UNC13B: variants seen among roughly 807,000 people sequenced by gnomAD.
UNC13B encodes protein unc-13 homolog B.
UNC13B carries 144 observed loss-of-function variants against 211.0 expected under a neutral mutation model. The ratio of observed to expected loss-of-function variants is 0.68; its 90% CI spans 0.60 to 0.78. The LOEUF (loss-of-function observed/expected upper bound fraction) is 0.78, where lower values mean the gene tolerates loss of function less well. Ranked by LOEUF, UNC13B falls within the 30% of genes least tolerant of loss-of-function variation. The pLI, the probability that UNC13B is intolerant of heterozygous loss-of-function variation, is 0.00. For synonymous variants in UNC13B, 709 were observed against 725.8 expected (o/e 0.98, Z 0.37); for missense variants, 1,777 against 2,002.0 (o/e 0.89, Z 2.14).
intron 11 of UNC13B, among the ~76,000 whole-genome samples, chr9:35,350,224 G>C (rs1037805528): frequency 2.0e-5 from 3 of 152,180 alleles, no homozygotes; most frequent in African/African-American, 7.2e-5. Context: ...CATCGTCTCT[G>C]CCTCTGTAAT....
intron 7 of UNC13B, among the ~76,000 whole-genome samples, chr9:35,267,466 G>A (rs1369433577): frequency 2.6e-5 from 4 of 152,202 alleles, no homozygotes; most frequent in Non-Finnish European, 5.9e-5. Context: ...TATGCTTTAA[G>A]TTCTGGGTTA....
At chr9:35,241,629 A>G (rs79445252) in intron 5 of UNC13B, among the ~76,000 whole-genome samples, 1 of 152,022 alleles carries the variant, frequency 6.6e-6, no homozygotes, top group African/African-American at 2.4e-5. Context: ...AAATAGTAGC[A>G]TATTCTAACA....
intron 11 of UNC13B, among the ~76,000 whole-genome samples, chr9:35,316,271 A>C (rs557981332): frequency 6.6e-6 from 1 of 152,204 alleles, no homozygotes; most frequent in South Asian, 2.1e-4. Context: ...CTTTTCTCTC[A>C]TTAATTTATT....
At chr9:35,278,791 A>G (rs1828320044) in intron 7 of UNC13B, among the ~76,000 whole-genome samples, 1 of 152,210 alleles carries the variant, frequency 6.6e-6, no homozygotes, top group Admixed American at 6.5e-5. Flanking sequence ...AATGTATGCT[A>G]TGAAAAACAG....
At chr9:35,166,024 A>G (rs989071499) in intron 1 of UNC13B, among the ~76,000 whole-genome samples, 5 of 152,208 alleles carry the variant, frequency 3.3e-5, no homozygotes, top group African/African-American at 1.2e-4. Flanking sequence ...TGTTTATAAC[A>G]TAGTTATTCC....
intron 11 of UNC13B, chr9:35,353,198 G>A: frequency 8.1e-7 from 1 of 1,232,164 alleles, no homozygotes; most frequent in Non-Finnish European, 1.0e-6. Context: ...CCTCAAGGAT[G>A]TCTTTGACAA....
At chr9:35,276,862 G>T (rs1177500976) in intron 7 of UNC13B, among the ~76,000 whole-genome samples, 1 of 152,060 alleles carries the variant, frequency 6.6e-6, no homozygotes, top group Non-Finnish European at 1.5e-5. Flanking sequence ...AGGCCAAATT[G>T]TTCTTTTTGT....
chr9:35,397,753 A>G, intron 30 of UNC13B, 41 bp downstream of exon 30: 1 of 1,603,222 alleles, frequency 6.2e-7, no homozygotes, highest in Non-Finnish European at 8.5e-7. Flanking sequence ...AGAGAGTGGA[A>G]GACATTTGAA....
intron 1 of UNC13B, among the ~76,000 whole-genome samples, chr9:35,211,134 A>G (rs74896643): frequency 1.3e-5 from 2 of 152,378 alleles, no homozygotes; most frequent in East Asian, 3.9e-4. Flanking sequence ...TTTTAAACAC[A>G]TAATATATTC....
intron 2 of UNC13B, among the ~76,000 whole-genome samples, chr9:35,230,276 G>A (rs1245213794): frequency 6.6e-6 from 1 of 151,876 alleles, no homozygotes; most frequent in Non-Finnish European, 1.5e-5. Context: ...ATTTGAGACC[G>A]CCTGGCCAAC....
Position 35,231,176 on chromosome 9 carries a change from G to C in UNC13B, c.109G>C (p.Ala37Pro), listed in dbSNP as rs1825180785. 2 of 1,613,474 alleles carry C rather than the reference G, an allele frequency of 1.2e-6. No individual in the cohort carries two copies. Among genetic ancestry groups the C allele is most frequent in the Admixed American group, 3.3e-5 (2 of 59,962 alleles). Residue 37 changes from alanine to proline, a missense_variant, in exon 3 of 40, where the codon GCA (alanine) becomes CCA (proline). Transcript: ENST00000635942. ...KVQNVKSTTVAVRGDQPSWEQ... is the reference protein window; with the variant it reads ...KVQNVKSTTVPVRGDQPSWEQ... ...ACAGAATGTGAAGAGCACAACTGTA[G>C]CAGTTCGTGGTGATCAGCCTTCCTG...
At chr9:35,314,028 C>G in intron 11 of UNC13B, 39 bp downstream of exon 11, 4 of 1,540,150 alleles carry the variant, frequency 2.6e-6, no homozygotes, top group Non-Finnish European at 2.7e-6. Flanking sequence ...GACAATTTTT[C>G]CTTTGAAATT....
intron 1 of UNC13B, among the ~76,000 whole-genome samples, chr9:35,203,715 C>T (rs72725003): frequency 0.14 from 22,048 of 152,192 alleles, 1,862 homozygotes; most frequent in Admixed American, 0.25. Context: ...TTCTAACAGC[C>T]TGCATTCATA....
At chr9:35,366,063 G>A (rs948223077) in intron 11 of UNC13B, among the ~76,000 whole-genome samples, 3 of 152,122 alleles carry the variant, frequency 2.0e-5, no homozygotes, top group Non-Finnish European at 4.4e-5. Flanking sequence ...CCCTTCTGGA[G>A]CTCATTTGCT....
chr9:35,205,310 TACACACACACAA>T (rs1201727486), intron 1 of UNC13B, among the ~76,000 whole-genome samples: 2 of 152,042 alleles, frequency 1.3e-5, no homozygotes, highest in East Asian at 3.8e-4. Context: ...AACAGACTAA[TACACACACACAA>T]ACACACACAC....
At chr9:35,398,726 A>G (rs912277626) in intron 32 of UNC13B, 84 bp downstream of exon 32, 6 of 1,561,690 alleles carry the variant, frequency 3.8e-6, no homozygotes, top group Admixed American at 1.7e-5. Context: ...ACCTCTCCAT[A>G]TAGCTGCAGG....
chr9:35,187,331 C>T (rs1346963861), intron 1 of UNC13B, among the ~76,000 whole-genome samples: 1 of 152,150 alleles, frequency 6.6e-6, no homozygotes, highest in East Asian at 1.9e-4. Context: ...CATATTGATC[C>T]AGCTTTTTAC....
intron 6 of UNC13B, among the ~76,000 whole-genome samples, chr9:35,248,013 T>A (rs1039475149): frequency 6.6e-6 from 1 of 152,226 alleles, no homozygotes; most frequent in African/African-American, 2.4e-5. Context: ...AAGCTATTAA[T>A]TATTGCCTCA....
At chr9:35,257,326 A>AATATTTATATAAAT (rs1826948134) in intron 6 of UNC13B, among the ~76,000 whole-genome samples, 1 of 104,516 alleles carries the variant, frequency 9.6e-6, no homozygotes, top group Non-Finnish European at 1.9e-5. Flanking sequence ...TATTTATAAA[A>AATATTTATATAAAT]ATATTTATAT....
Sources: gnomAD v4.1 joint callset for allele counts (sites outside exome capture counted in the v4.1 genomes callset) on GRCh38, gnomAD v4.1.1 for gene constraint, MANE v1.5 for transcripts, NCBI Gene and HGNC (gene_info 2026-07-23, HGNC 2026-07-21) for gene names.